The following CENPE variants were observed in gnomAD, a reference collection of about 807,000 sequenced individuals.
CENPE encodes the protein centromere-associated protein E.
In CENPE, 145 loss-of-function variants were observed where a neutral mutation model predicts 336.1. The observed-to-expected ratio is 0.43, with a 90% CI of 0.38 to 0.50. The LOEUF (loss-of-function observed/expected upper bound fraction) is 0.50, where lower values mean the gene tolerates loss of function less well. Among genes scored for constraint, CENPE ranks in the 20% least tolerant of loss-of-function variants. CENPE has a pLI of 0.00. For missense variants in CENPE, 2,719 were observed against 3,023.3 expected (o/e 0.90, Z 2.36); for synonymous variants, 1,013 against 984.8 (o/e 1.03, Z -0.54).
At chr4:103,187,074 A>G (rs1347741265) in intron 8 of CENPE, among the ~76,000 whole-genome samples, 1 of 152,206 alleles carries the variant, frequency 6.6e-6, no homozygotes. Flanking sequence ...ATATTCAATG[A>G]GAAGCCATTG....
Position 103,116,578 on chromosome 4 carries a change from C to T in CENPE, c.7441G>A (p.Glu2481Lys), listed in dbSNP as rs758504378. 7.5e-6 allele frequency: 11 copies of T among 1,464,558 alleles called. No individual in the cohort carries two copies. The highest frequency in any genetic ancestry group is 1.0e-5 in the Non-Finnish European group (11 of 1,069,174). 90.7% of individuals were successfully genotyped at this position (1,464,558 alleles called of 1,614,324 possible). Residue 2481 changes from glutamate (E) to lysine (K), a missense_variant and splice_region_variant, in exon 45 of 49, where the codon GAA becomes AAA. Around this residue, in one of 5 missense-constraint regions of CENPE, gnomAD observed 2,437 missense variants for 2,513.3 expected, o/e 0.97. Transcript: ENST00000265148. ...KMKNAKEFEK[E>K]ISATKATVEY... is the part of the protein sequence containing the mutation. Reference sequence around the variant, plus strand: ...CATTAAATTAAGACAAATACGTACTCCTTTTCAAATTCTTTGGCATTTTTC... The same window carrying T: ...CATTAAATTAAGACAAATACGTACTTCTTTTCAAATTCTTTGGCATTTTTC...
Position 103,145,307 on chromosome 4 carries a change from G to T in CENPE, c.4600C>A (p.Gln1534Lys), listed in dbSNP as rs765697290. ...KIQEIYEKEEQFNIKQISEVQ... is the reference protein window; with the variant it reads ...KIQEIYEKEEKFNIKQISEVQ... ...TCACTAATTTGTTTTATATTAAATT[G>T]TTCCTCTTTCTCATAAATCTCTTGG... Residue 1534 changes from glutamine to lysine, a missense_variant, in exon 32 of 49, where the codon CAA becomes AAA. Gln to Lys is a moderately conservative substitution (Grantham distance 53, BLOSUM62 1). Around this residue, in one of 5 missense-constraint regions of CENPE, gnomAD observed 2,437 missense variants for 2,513.3 expected, o/e 0.97. Transcript: ENST00000265148. 1.9e-6 allele frequency: 3 copies of T among 1,571,362 alleles called. No homozygotes were observed. Among genetic ancestry groups the T allele is most frequent in the Non-Finnish European group, 2.6e-6 (3 of 1,149,668 alleles).
At chr4:103,158,953 G>A (rs1470061931) in intron 22 of CENPE, 57 bp downstream of exon 22, 1 of 1,538,688 alleles carries the variant, frequency 6.5e-7, no homozygotes, top group East Asian at 2.2e-5. Flanking sequence ...CATATATACA[G>A]AAACCAAAAC....
intron 28 of CENPE, among the ~76,000 whole-genome samples, chr4:103,148,527 G>A (rs555354189): frequency 2.0e-5 from 3 of 152,254 alleles, no homozygotes; most frequent in Admixed American, 6.5e-5. Flanking sequence ...TTTTAATACA[G>A]GTTGGCCCAG....
intron 16 of CENPE, among the ~76,000 whole-genome samples, chr4:103,166,380 T>C (rs927315647): frequency 9.2e-5 from 14 of 152,190 alleles, no homozygotes; most frequent in African/African-American, 3.4e-4. Context: ...ATCATGACAC[T>C]AGGCCAGTCC....
chr4:103,192,223 GCA>G (rs1034801512), intron 8 of CENPE, among the ~76,000 whole-genome samples: 1 of 152,088 alleles, frequency 6.6e-6, no homozygotes, highest in Non-Finnish European at 1.5e-5. Context: ...AATTTTTCTT[GCA>G]CAGTGTCCAC....
rs756178125 is a variant in CENPE at position 103,151,293 on chromosome 4, C to T, written c.3322G>A (p.Ala1108Thr). 1.9e-6 allele frequency: 3 copies of T among 1,606,714 alleles called. No homozygotes were observed. The East Asian group carries it at 6.7e-5, about 36-fold the overall frequency. Residue 1108 changes from alanine to threonine, a missense_variant, in exon 26 of 49, where the codon GCC becomes ACC. Physicochemically the swap from Ala to Thr is moderately conservative, Grantham distance 58 (BLOSUM62 0). Around this residue, in one of 5 missense-constraint regions of CENPE, gnomAD observed 2,437 missense variants for 2,513.3 expected, o/e 0.97. Transcript: ENST00000265148. ...GAAAGCTCTCCTTCTTTCTTTATGG[C>T]ATGGTTCTTTTCTTGTGCAACTATC... ...QEIVAQEKNH[A>T]IKKEGELSRT...
At position 103,140,342 on chromosome 4, in the gene CENPE, G is replaced by A. The variant is rs142037962; in HGVS notation, c.5827C>T (p.Leu1943Phe). 3.7e-5 allele frequency: 59 copies of A among 1,605,890 alleles called. No homozygotes were observed. Among genetic ancestry groups the A allele is most frequent in the African/African-American group, 2.7e-5 (2 of 74,562 alleles). The change falls in exon 37 of 49, where the codon CTT becomes TTT. Residue 1943 changes from leucine (L) to phenylalanine (F), a missense_variant. Coordinates refer to ENST00000265148, the MANE Select transcript of CENPE (RefSeq NM_001813.3). ...GTCTTTTCTGAAATTTTTTCTCTAAGTTTATCAACAGTTTCTTTGTGTTCT... is the reference window on the plus strand; with the variant it reads ...GTCTTTTCTGAAATTTTTTCTCTAAATTTATCAACAGTTTCTTTGTGTTCT... ...SKEHKETVDK[L>F]REKISEKTIQ...
chr4:103,160,990 T>A (rs1754394023), intron 20 of CENPE, 96 bp downstream of exon 20: 1 of 1,121,878 alleles, frequency 8.9e-7, no homozygotes, highest in Non-Finnish European at 1.2e-6. Context: ...CAGAGTATAA[T>A]GAATTTTTAA....
intron 42 of CENPE, among the ~76,000 whole-genome samples, chr4:103,124,934 T>G (rs1026124496): frequency 6.6e-6 from 1 of 152,226 alleles, no homozygotes; most frequent in Non-Finnish European, 1.5e-5. Flanking sequence ...CACATATACA[T>G]GCTGATCCAC....
At chr4:103,127,239 T>C (rs79072966) in intron 42 of CENPE, among the ~76,000 whole-genome samples, 2,740 of 151,282 alleles carry the variant, frequency 0.018, 69 homozygotes, top group African/African-American at 0.06. Context: ...AAAAACACCA[T>C]ACCTATAGGG....
chr4:103,176,210 G>T (rs548880803), intron 14 of CENPE, among the ~76,000 whole-genome samples, 162 bp from the exon 15 acceptor site: 2 of 152,232 alleles, frequency 1.3e-5, no homozygotes, highest in African/African-American at 4.8e-5. Context: ...AATAGATATG[G>T]TCATTTATGT....
intron 48 of CENPE, among the ~76,000 whole-genome samples, chr4:103,108,095 G>A (rs959383130): frequency 3.3e-5 from 5 of 152,060 alleles, no homozygotes; most frequent in African/African-American, 9.7e-5. Flanking sequence ...CGCTGTTGCT[G>A]TTCCATCTGC....
chr4:103,113,346 A>G (rs990206202), intron 46 of CENPE, among the ~76,000 whole-genome samples: 9 of 143,320 alleles, frequency 6.3e-5, no homozygotes, highest in African/African-American at 2.3e-4. Flanking sequence ...GTATATAAGT[A>G]CATATACTCG....
intron 15 of CENPE, 115 bp from the exon 16 acceptor site, chr4:103,175,018 A>G: frequency 1.6e-6 from 1 of 629,762 alleles, no homozygotes; most frequent in Non-Finnish European, 2.5e-6. Flanking sequence ...ATCTTTCTAA[A>G]GTTCTACATT....
At position 103,146,022 on chromosome 4, in the gene CENPE, T is replaced by A. The variant is rs1280489974; in HGVS notation, c.4220A>T (p.Glu1407Val). The A allele has an allele frequency of 2.5e-6, 4 of 1,613,978 alleles. No homozygotes were observed. The highest frequency in any genetic ancestry group is 3.4e-6 in the Non-Finnish European group (4 of 1,179,912). ...TGCTGAATCTTTGGGTTTGAATTGC[T>A]CCATCTCACTCACGATTTTGGTAGT... Reference protein sequence around the residue: ...NETTKIVSEMEQFKPKDSALL... With the variant: ...NETTKIVSEMVQFKPKDSALL... The change falls in exon 30 of 49, where the codon GAG (glutamate) becomes GTG (valine). Residue 1407 changes from glutamate to valine, a missense_variant. Coordinates refer to ENST00000265148, the MANE Select transcript of CENPE (RefSeq NM_001813.3).
Position 103,159,229 on chromosome 4 carries a change from T to G in CENPE, c.2382A>C (p.Leu794Phe). Reference sequence around the variant, plus strand: ...CTTTTGTTTTCCCAATTTCTTCAAGTAAACCTTGAACTCTACTCTCCTTAT... The same window carrying G: ...CTTTTGTTTTCCCAATTTCTTCAAGGAAACCTTGAACTCTACTCTCCTTAT... ...VVHKESRVQG[L>F]LEEIGKTKDD... is the part of the protein sequence containing the mutation. Residue 794 changes from leucine to phenylalanine, a missense_variant, in exon 22 of 49, where the codon TTA becomes TTC. By Grantham distance (22) the Leu-to-Phe change is conservative. Around this residue, in one of 5 missense-constraint regions of CENPE, gnomAD observed 2,437 missense variants for 2,513.3 expected, o/e 0.97. Transcript: ENST00000265148. The G allele has an allele frequency of 1.2e-6, 2 of 1,610,410 alleles. No homozygotes were observed. The highest frequency in any genetic ancestry group is 1.7e-6 in the Non-Finnish European group (2 of 1,177,112).
chr4:103,132,519 T>A (rs553955076), intron 42 of CENPE, among the ~76,000 whole-genome samples, 174 bp downstream of exon 42: 1 of 152,328 alleles, frequency 6.6e-6, no homozygotes, highest in South Asian at 2.1e-4. Flanking sequence ...CCTTGATCAG[T>A]ATGAATTGAT....
chr4:103,158,024 C>G (rs528557647), intron 24 of CENPE, among the ~76,000 whole-genome samples: 79 of 151,892 alleles, frequency 5.2e-4, no homozygotes, highest in African/African-American at 1.7e-3. Context: ...ATTTTAAACT[C>G]TAAGCAAGTT....
Sources: allele counts gnomAD v4.1 joint callset (sites outside exome capture counted in the v4.1 genomes callset), GRCh38; gene constraint gnomAD v4.1.1; regional missense constraint gnomAD v4.1.1; transcripts MANE v1.5; gene names NCBI Gene and HGNC (gene_info 2026-07-23, HGNC 2026-07-21).